The following HSD11B2 variants were observed in gnomAD, a reference collection of about 807,000 sequenced individuals.
The protein encoded by HSD11B2 is 11-beta-hydroxysteroid dehydrogenase type 2.
In HSD11B2, 17 loss-of-function variants were observed where a neutral mutation model predicts 20.9. The observed-to-expected ratio is 0.81, with a 90% CI of 0.56 to 1.22. HSD11B2 has a LOEUF of 1.22. HSD11B2 is among the 50% of genes most tolerant of loss of function. The probability of loss-of-function intolerance (pLI) is 0.00; values close to 1 mark genes in which losing one functional copy is unlikely to be tolerated. For missense variants in HSD11B2, 480 were observed against 563.6 expected (o/e 0.85, Z 1.50); for synonymous variants, 253 against 255.4 (o/e 0.99, Z 0.09).
Position 67,435,971 on chromosome 16 carries a change from G to A in HSD11B2, c.493G>A (p.Val165Ile), listed in dbSNP as rs142435782. ...HTTSTGLWGLVNNAGHNEVVA... is the reference protein window; with the variant it reads ...HTTSTGLWGLINNAGHNEVVA... The stretch of plus-strand genomic sequence containing the variant: ...TGTGACCCCAGGCCTGTGGGGCCTC[G>A]TCAACAACGCAGGCCACAATGAAGT... Residue 165 changes from valine to isoleucine, a missense_variant, in exon 3 of 5, where the codon GTC (valine) becomes ATC (isoleucine). Val to Ile is a conservative substitution (Grantham distance 29). This residue lies in a region of HSD11B2 where 374 missense variants were observed against 480.9 expected (regional missense o/e 0.78). Transcript: ENST00000326152. The A allele has an allele frequency of 2.0e-5, 32 of 1,614,198 alleles. No homozygotes were observed. The highest frequency in any genetic ancestry group is 1.6e-4 in the Middle Eastern group (1 of 6,062).
In HSD11B2 at chr16:67,436,692, T is replaced by C. The variant is rs758672428; in HGVS notation, c.907T>C (p.Leu303=). The C allele has an allele frequency of 4.3e-6, 7 of 1,614,162 alleles. No individual in the cohort carries two copies. The highest frequency in any genetic ancestry group is 5.1e-6 in the Non-Finnish European group (6 of 1,180,012). The part of the protein sequence containing the change: ...QAYGKDYIEH[L]HGQFLHSLRL... ...CTACGGCAAGGACTACATCGAGCAC[T>C]TGCATGGGCAGTTCCTGCACTCGCT... The change falls in exon 5 of 5, where the codon TTG becomes CTG. Residue 303 remains leucine (L), a synonymous_variant. Coordinates refer to ENST00000326152, the MANE Select transcript of HSD11B2 (RefSeq NM_000196.4). The surrounding 1 kb of genome is among the most constrained non-coding windows in gnomAD (Gnocchi z 5.7).
chr16:67,436,149 G>T lies in HSD11B2; in HGVS notation c.664+7G>T, dbSNP rs1567530487. The T allele has an allele frequency of 8.2e-6, 13 of 1,579,800 alleles. No individual in the cohort carries two copies. Among genetic ancestry groups the T allele is most frequent in the Non-Finnish European group, 9.5e-6 (11 of 1,154,282 alleles). ...ACTGTGGGGAGCCCAGCGGGTGAGT[G>T]CCCCCCCCCACTGGAGCAAAAAGGA... On this transcript the variant is annotated splice_region_variant and intron_variant, in intron 3 of 4. Coordinates refer to ENST00000326152, the MANE Select transcript of HSD11B2 (RefSeq NM_000196.4). This position sits in a 1 kb window ranked among gnomAD's most constrained non-coding sequence, Gnocchi z 5.7.
upstream of HSD11B2, among the ~76,000 whole-genome samples, chr16:67,430,019 G>A (rs773519925): frequency 6.6e-5 from 10 of 152,140 alleles, no homozygotes; most frequent in Non-Finnish European, 1.5e-4. The surrounding 1 kb of genome is among the most constrained non-coding windows in gnomAD (Gnocchi z 5.4). Flanking sequence ...GGACCCCTCT[G>A]TCGAGGGCTA....
At chr16:67,432,267 G>GC (rs1186097694) in intron 1 of HSD11B2, among the ~76,000 whole-genome samples, 5 of 152,082 alleles carry the variant, frequency 3.3e-5, no homozygotes, top group African/African-American at 9.7e-5. Context: ...GAAGGGGGGG[G>GC]GGGGCTGGAG....
In HSD11B2 at chr16:67,435,939, T is replaced by C. The variant is rs761368643; in HGVS notation, c.479-18T>C. ...CTGGGCTGACCTAAGGCTTCCCTCCTCTGCTCTGTGACCCCAGGCCTGTGG... is the reference window on the plus strand; with the variant it reads ...CTGGGCTGACCTAAGGCTTCCCTCCCCTGCTCTGTGACCCCAGGCCTGTGG... On this transcript the variant is annotated intron_variant, in intron 2 of 4. Coordinates refer to ENST00000326152, the MANE Select transcript of HSD11B2 (RefSeq NM_000196.4). 2 of 1,614,130 alleles carry C rather than the reference T, an allele frequency of 1.2e-6. No individual in the cohort carries two copies. Among genetic ancestry groups the C allele is most frequent in the South Asian group, 1.1e-5 (1 of 91,084 alleles).
chr16:67,437,017 A>G lies in HSD11B2; in HGVS notation c.*14A>G, dbSNP rs2040982430. 1 of 1,604,748 alleles carries G rather than the reference A, an allele frequency of 6.2e-7. No individual in the cohort carries two copies. The highest frequency in any genetic ancestry group is 8.5e-7 in the Non-Finnish European group (1 of 1,179,448). ...GTGGCTCGGTGAGCCATGTGCACCT[A>G]TGGCCCAGCCACTGCAGCACAGGAG... is the stretch of plus-strand genomic sequence containing the variant. On this transcript the variant is annotated 3_prime_UTR_variant, in exon 5 of 5. Transcript: ENST00000326152.
At chr16:67,433,779 C>G (rs962879109) in intron 1 of HSD11B2, among the ~76,000 whole-genome samples, 3 of 152,074 alleles carry the variant, frequency 2.0e-5, no homozygotes, top group African/African-American at 4.8e-5. Flanking sequence ...TACCCCTCCT[C>G]AGCAGGAGCT....
upstream of HSD11B2, chr16:67,430,725 C>A (rs370769302): frequency 1.3e-5 from 2 of 152,652 alleles, no homozygotes; most frequent in South Asian, 2.0e-4. This position sits in a 1 kb window ranked among gnomAD's most constrained non-coding sequence, Gnocchi z 5.4. Flanking sequence ...GTGGTGCGAT[C>A]AGCAAAGGGC....
chr16:67,435,790 G>A lies in HSD11B2; in HGVS notation c.428G>A (p.Gly143Glu). ...CTGCAGATGGACCTGACCAAACCAG[G>A]AGACATTAGCCGCGTGCTAGAGTTC... ...RLLQMDLTKP[G>E]DISRVLEFTK... The change falls in exon 2 of 5, where the codon GGA (glycine) becomes GAA (glutamate). Residue 143 changes from glycine (G) to glutamate (E), a missense_variant. By Grantham distance (98) the Gly-to-Glu change is moderately conservative. This residue lies in a region of HSD11B2 where 374 missense variants were observed against 480.9 expected (regional missense o/e 0.78). Coordinates refer to ENST00000326152, the MANE Select transcript of HSD11B2 (RefSeq NM_000196.4). 6.2e-7 allele frequency: 1 copy of A among 1,614,130 alleles called. No individual in the cohort carries two copies.
At chr16:67,430,020 T>G (rs2040918321), upstream of HSD11B2, among the ~76,000 whole-genome samples, 1 of 152,004 alleles carries the variant, frequency 6.6e-6, no homozygotes, top group East Asian at 1.9e-4. This position sits in a 1 kb window ranked among gnomAD's most constrained non-coding sequence, Gnocchi z 5.4. Flanking sequence ...GACCCCTCTG[T>G]CGAGGGCTAC....
intron 1 of HSD11B2, among the ~76,000 whole-genome samples, chr16:67,432,221 G>A (rs2040938486): frequency 6.7e-6 from 1 of 148,956 alleles, no homozygotes; most frequent in Non-Finnish European, 1.5e-5. Flanking sequence ...TTTGTCTGGA[G>A]CAGGGAATAA....
rs889533349 is a variant in HSD11B2 at position 67,436,021 on chromosome 16, A to G, written c.543A>G (p.Pro181=). 4.3e-6 allele frequency: 7 copies of G among 1,614,084 alleles called. No individual in the cohort carries two copies. In the Admixed American group the frequency reaches 1.0e-4, roughly 23 times the overall value. The change falls in exon 3 of 5, where the codon CCA becomes CCG. Residue 181 remains proline, a synonymous_variant. Transcript: ENST00000326152. The surrounding 1 kb of genome is among the most constrained non-coding windows in gnomAD (Gnocchi z 5.7). Reference sequence around the variant, plus strand: ...TAGTTGCTGATGCGGAGCTGTCTCCAGTGGCCACTTTCCGTAGCTGCATGG... The same window carrying G: ...TAGTTGCTGATGCGGAGCTGTCTCCGGTGGCCACTTTCCGTAGCTGCATGG... ...NEVVADAELS[P]VATFRSCMEV...
rs756093283 is a variant in HSD11B2 at position 67,431,527 on chromosome 16, T to G, written c.265+14T>G. 58 of 1,362,564 alleles carry G rather than the reference T, an allele frequency of 4.3e-5. No homozygotes were observed. The highest frequency in any genetic ancestry group is 4.8e-4 in the Middle Eastern group (2 of 4,168). 84.4% of individuals were successfully genotyped at this position (1,362,564 alleles called of 1,614,324 possible). On this transcript the variant is annotated intron_variant, in intron 1 of 4. Transcript: ENST00000326152. ...TGCTCATCACCGGTGAGTGCGCGGG[T>G]CGCGGAGCGCGGGGACTCCAGGCTC... is the stretch of plus-strand genomic sequence containing the variant.
At chr16:67,431,553 G>A (rs1427049689) in intron 1 of HSD11B2, 40 bp downstream of exon 1, 2 of 1,322,942 alleles carry the variant, frequency 1.5e-6, no homozygotes, top group African/African-American at 3.1e-5. Flanking sequence ...CTCCAGGCTC[G>A]AGGGCGGGAC....
At chr16:67,432,258 AAG>A (rs1491321471) in intron 1 of HSD11B2, among the ~76,000 whole-genome samples, 13 of 114,338 alleles carry the variant, frequency 1.1e-4, no homozygotes, top group African/African-American at 4.7e-4. Flanking sequence ...AGGGAAGGGG[AAG>A]GGGGGGGGGG....
Position 67,436,484 on chromosome 16 carries a change from T to C in HSD11B2, c.802+98T>C. 6.5e-7 allele frequency: 1 copy of C among 1,544,146 alleles called. No individual in the cohort carries two copies. Among genetic ancestry groups the C allele is most frequent in the Non-Finnish European group, 8.8e-7 (1 of 1,136,720 alleles). On this transcript the variant is annotated intron_variant, in intron 4 of 4. Coordinates refer to ENST00000326152, the MANE Select transcript of HSD11B2 (RefSeq NM_000196.4). This position sits in a 1 kb window ranked among gnomAD's most constrained non-coding sequence, Gnocchi z 5.7. ...GTTTGATGAATGGTCATGGTTTTGG[T>C]TGGGGGTGTAGTTTTGGCTGCAGAC...
intron 1 of HSD11B2, among the ~76,000 whole-genome samples, chr16:67,434,464 T>A (rs2040955003): frequency 6.6e-6 from 1 of 152,146 alleles, no homozygotes; most frequent in Non-Finnish European, 1.5e-5. Flanking sequence ...AGGGATATTG[T>A]CATTTTTGGA....
At chr16:67,432,272 C>T (rs2040939701) in intron 1 of HSD11B2, among the ~76,000 whole-genome samples, 1 of 133,368 alleles carries the variant, frequency 7.5e-6, no homozygotes, top group East Asian at 2.1e-4. Context: ...GGGGGGGGGG[C>T]TGGAGGCCCG....
At position 67,436,609 on chromosome 16, in the gene HSD11B2, A is replaced by T. The variant is rs767540223; in HGVS notation, c.824A>T (p.Gln275Leu). Residue 275 changes from glutamine (Q) to leucine (L), a missense_variant, in exon 5 of 5, where the codon CAG becomes CTG. Transcript: ENST00000326152. This position sits in a 1 kb window ranked among gnomAD's most constrained non-coding sequence, Gnocchi z 5.7. Reference protein sequence around the residue: ...FKTESVRNVGQWEKRKQLLLA... With the variant: ...FKTESVRNVGLWEKRKQLLLA... The stretch of plus-strand genomic sequence containing the variant: ...CCAGAGTCAGTGAGAAACGTGGGTC[A>T]GTGGGAAAAGCGCAAGCAATTGCTG... 5.0e-6 allele frequency: 8 copies of T among 1,614,192 alleles called. No homozygotes were observed. The highest frequency in any genetic ancestry group is 1.7e-5 in the Admixed American group (1 of 60,030).
Sources: gnomAD v4.1 joint callset for allele counts (sites outside exome capture counted in the v4.1 genomes callset) on GRCh38, gnomAD v4.1.1 for gene constraint, gnomAD v4.1.1 regional missense constraint, Gnocchi (gnomAD v3.1) non-coding constraint, MANE v1.5 for transcripts, NCBI Gene and HGNC (gene_info 2026-07-23, HGNC 2026-07-21) for gene names.